CSMD3: variants seen among roughly 807,000 people sequenced by gnomAD.
The protein encoded by CSMD3 is CUB and Sushi multiple domains 3, also known as CUB and sushi domain-containing protein 3.
Under a neutral mutation model 435.2 loss-of-function variants are expected in CSMD3, and 177 were observed. The observed-to-expected ratio is 0.41, with a 90% CI of 0.36 to 0.46. The LOEUF (loss-of-function observed/expected upper bound fraction) is 0.46, where lower values mean the gene tolerates loss of function less well. Ranked by LOEUF, CSMD3 falls within the 20% of genes least tolerant of loss-of-function variation. CSMD3 has a pLI of 0.34. For missense variants in CSMD3, 4,265 were observed against 4,504.6 expected (o/e 0.95, Z 1.52); for synonymous variants, 1,656 against 1,520.5 (o/e 1.09, Z -2.07).
At chr8:113,328,580 G>A (rs894210993) in intron 1 of CSMD3, among the ~76,000 whole-genome samples, 3 of 151,966 alleles carry the variant, frequency 2.0e-5, no homozygotes, top group Non-Finnish European at 4.4e-5. Context: ...ATTAACCTGG[G>A]AAAGTCACTA....
At chr8:113,423,234 A>G (rs966097420) in intron 1 of CSMD3, among the ~76,000 whole-genome samples, 1 of 152,078 alleles carries the variant, frequency 6.6e-6, no homozygotes, top group African/African-American at 2.4e-5. Context: ...TTGAATTTCA[A>G]ATTTTCACAG....
intron 10 of CSMD3, among the ~76,000 whole-genome samples, chr8:112,881,862 C>T (rs2081457497): frequency 6.6e-6 from 1 of 151,834 alleles, no homozygotes; most frequent in Admixed American, 6.6e-5. Flanking sequence ...ATATGAGAAA[C>T]ACTTATTTAC....
At chr8:112,731,739 C>T (rs1222536081) in intron 13 of CSMD3, among the ~76,000 whole-genome samples, 2 of 151,988 alleles carry the variant, frequency 1.3e-5, no homozygotes, top group African/African-American at 4.8e-5. Context: ...ACCCTTTTTA[C>T]TTCTTTGGTG....
chr8:112,993,877 T>C (rs1298534307), intron 6 of CSMD3, among the ~76,000 whole-genome samples: 1 of 151,770 alleles, frequency 6.6e-6, no homozygotes, highest in Non-Finnish European at 1.5e-5. Flanking sequence ...GAGATGAGTT[T>C]GGTGATACAT....
At chr8:112,581,175 CAGAATGT>C (rs1318688322) in intron 23 of CSMD3, among the ~76,000 whole-genome samples, 1 of 151,944 alleles carries the variant, frequency 6.6e-6, no homozygotes, top group Non-Finnish European at 1.5e-5. Context: ...TTATTATTAT[CAGAATGT>C]TTCAGGGGAG....
chr8:113,230,368 A>G (rs997988033), intron 3 of CSMD3, among the ~76,000 whole-genome samples: 3 of 151,528 alleles, frequency 2.0e-5, no homozygotes, highest in African/African-American at 7.3e-5. Flanking sequence ...ATTCTGTAAT[A>G]ATTTTTATGT....
intron 16 of CSMD3, among the ~76,000 whole-genome samples, chr8:112,680,774 T>C (rs2075871708): frequency 6.6e-6 from 1 of 152,202 alleles, no homozygotes; most frequent in Non-Finnish European, 1.5e-5. Flanking sequence ...TGAGACATTA[T>C]GAAAATGTTC....
At chr8:112,602,787 G>A (rs1230549312) in intron 22 of CSMD3, among the ~76,000 whole-genome samples, 6 of 152,018 alleles carry the variant, frequency 3.9e-5, no homozygotes, top group African/African-American at 1.4e-4. Context: ...TATATTTATA[G>A]TACTGTATTT....
At chr8:113,130,726 C>T (rs112581862) in intron 4 of CSMD3, among the ~76,000 whole-genome samples, 12 of 152,110 alleles carry the variant, frequency 7.9e-5, no homozygotes, top group African/African-American at 2.9e-4. Context: ...GACATTAGAA[C>T]AGTTTGGAGG....
chr8:112,337,724 C>A lies in CSMD3; in HGVS notation c.6660G>T (p.Gln2220His), dbSNP rs960037249. Residue 2220 changes from glutamine to histidine, a missense_variant, in exon 43 of 71, where the codon CAG becomes CAT. Physicochemically the swap from Gln to His is conservative, Grantham distance 24. Transcript: ENST00000297405. The part of the protein sequence containing the change: ...QGFHIVYQAY[Q>H]LQSCPDPRPF... ...GGCGTGGATCAGGACAGCTTTGCAA[C>A]TGATAGGCTGGAAAGAGGAAAAAGA... The A allele has an allele frequency of 3.1e-6, 5 of 1,610,858 alleles. No homozygotes were observed. Among genetic ancestry groups the A allele is most frequent in the Non-Finnish European group, 4.2e-6 (5 of 1,177,560 alleles).
At chr8:113,156,207 T>C (rs2131812473) in intron 4 of CSMD3, among the ~76,000 whole-genome samples, 1 of 152,194 alleles carries the variant, frequency 6.6e-6, no homozygotes, top group South Asian at 2.1e-4. Flanking sequence ...ATTATCTCAC[T>C]ATTCAGGTGC....
chr8:112,247,548 AT>A (rs937508973), intron 63 of CSMD3, among the ~76,000 whole-genome samples: 7 of 152,198 alleles, frequency 4.6e-5, no homozygotes, highest in African/African-American at 1.4e-4. Flanking sequence ...ACAAATAAAT[AT>A]TGAAGGTGAA....
At chr8:112,588,838 C>G (rs1030344859) in intron 22 of CSMD3, among the ~76,000 whole-genome samples, 1 of 152,050 alleles carries the variant, frequency 6.6e-6, no homozygotes, top group African/African-American at 2.4e-5. Flanking sequence ...TATAGTGCAA[C>G]ATAATGCCAG....
chr8:113,408,354 A>T (rs1239580465), intron 1 of CSMD3, among the ~76,000 whole-genome samples: 1 of 152,194 alleles, frequency 6.6e-6, no homozygotes, highest in Non-Finnish European at 1.5e-5. Context: ...TCATGGTAAG[A>T]CTTTTTTCAT....
chr8:113,140,995 G>A (rs1234659477), intron 4 of CSMD3, among the ~76,000 whole-genome samples: 5 of 150,394 alleles, frequency 3.3e-5, no homozygotes, highest in African/African-American at 1.2e-4. Context: ...ATTGACATAA[G>A]GAATGGAAGA....
intron 67 of CSMD3, among the ~76,000 whole-genome samples, chr8:112,235,779 A>C (rs1192315383): frequency 3.3e-5 from 5 of 152,174 alleles, no homozygotes; most frequent in Admixed American, 3.3e-4. Flanking sequence ...AGGAAGATAT[A>C]AAAGTAATCG....
At chr8:112,902,291 C>T (rs1257479302) in intron 10 of CSMD3, among the ~76,000 whole-genome samples, 3 of 151,072 alleles carry the variant, frequency 2.0e-5, no homozygotes, top group Admixed American at 6.6e-5. Flanking sequence ...ATTGTGACTC[C>T]CTAGCTTGAT....
intron 32 of CSMD3, among the ~76,000 whole-genome samples, chr8:112,412,844 C>T (rs191596822): frequency 6.6e-5 from 10 of 152,218 alleles, no homozygotes; most frequent in African/African-American, 2.4e-4. Flanking sequence ...TGCTCTTTAA[C>T]TCTATTAATT....
chr8:112,755,385 C>T (rs2077674582), intron 13 of CSMD3, among the ~76,000 whole-genome samples: 1 of 145,970 alleles, frequency 6.9e-6, no homozygotes, highest in Non-Finnish European at 1.5e-5. Context: ...AGGGCGATTA[C>T]CTCCATGCCG....
Sources: gnomAD v4.1 joint callset for allele counts (sites outside exome capture counted in the v4.1 genomes callset) on GRCh38, gnomAD v4.1.1 for gene constraint, MANE v1.5 for transcripts, NCBI Gene and HGNC (gene_info 2026-07-23, HGNC 2026-07-21) for gene names.